STK26: variants seen among roughly 807,000 people sequenced by gnomAD.
STK26 encodes serine/threonine-protein kinase 26.
A neutral mutation model predicts 34.7 loss-of-function variants in STK26; 14 were observed. The observed-to-expected ratio is 0.40, with a 90% CI of 0.27 to 0.63. The LOEUF (loss-of-function observed/expected upper bound fraction) is 0.63. Ranked by LOEUF, STK26 falls within the 30% of genes least tolerant of loss-of-function variation. STK26 has a pLI of 0.38. For synonymous variants in STK26, 100 were observed against 109.8 expected (o/e 0.91, Z 0.56); for missense variants, 226 against 309.1 (o/e 0.73, Z 2.02).
chrX:132,058,254 A>ATG (rs754196913), intron 3 of STK26, among the ~76,000 whole-genome samples: 1,357 of 103,032 alleles, frequency 0.013, 14 homozygotes, highest in East Asian at 0.046. Context: ...GTGTGTGTGT[A>ATG]TGTGTGTGTG....
rs1012985497 is a variant in STK26 at position 132,023,631 on chromosome X, C to T, written c.14C>T (p.Pro5Leu). 5.1e-6 allele frequency: 6 copies of T among 1,176,315 alleles called. No individual in the cohort carries two copies. In the Admixed American group the frequency reaches 7.4e-5, roughly 14 times the overall value. Residue 5 changes from proline to leucine, a missense_variant, in exon 2 of 12, where the codon CCG (proline) becomes CTG (leucine). Coordinates refer to ENST00000394334, the MANE Select transcript of STK26 (RefSeq NM_016542.4). MAHS[P>L]VAVQVPGMQN... Reference sequence around the variant, plus strand: ...GCATTCGCCTCCATGGCCCACTCGCCGGTGGCTGTCCAAGTGCCTGGGATG... The same window carrying T: ...GCATTCGCCTCCATGGCCCACTCGCTGGTGGCTGTCCAAGTGCCTGGGATG...
intron 2 of STK26, among the ~76,000 whole-genome samples, chrX:132,024,142 G>A (rs1315183676): frequency 1.8e-5 from 2 of 111,238 alleles, no homozygotes; most frequent in Non-Finnish European, 3.8e-5. Flanking sequence ...TGTGTGCGTA[G>A]GGCTAAGAGA....
At chrX:132,032,672 G>T (rs943981561) in intron 2 of STK26, among the ~76,000 whole-genome samples, 16 of 111,424 alleles carry the variant, frequency 1.4e-4, no homozygotes, top group African/African-American at 3.3e-4. Context: ...CATCAATGGG[G>T]TTTTTTTCAA....
At chrX:132,043,210 A>G (rs768917998) in intron 2 of STK26, among the ~76,000 whole-genome samples, 11 of 112,045 alleles carry the variant, frequency 9.8e-5, no homozygotes, top group Non-Finnish European at 1.1e-4. Flanking sequence ...TCACCATAAC[A>G]TTACCCATGA....
At chrX:132,040,340 T>C (rs753849561) in intron 2 of STK26, among the ~76,000 whole-genome samples, 3 of 112,565 alleles carry the variant, frequency 2.7e-5, no homozygotes, top group Non-Finnish European at 5.6e-5. Context: ...GATTTTCACT[T>C]TACTAAAGTA....
chrX:132,042,726 T>C (rs1368506117), intron 2 of STK26, among the ~76,000 whole-genome samples: 2 of 111,323 alleles, frequency 1.8e-5, no homozygotes, highest in African/African-American at 6.5e-5. Context: ...ATTGAAAAAT[T>C]AGAGACCATT....
intron 2 of STK26, among the ~76,000 whole-genome samples, chrX:132,051,737 TC>T (rs1926696971): frequency 9.1e-6 from 1 of 110,068 alleles, no homozygotes; most frequent in East Asian, 2.8e-4. Flanking sequence ...GCTAATACTA[TC>T]CCCCCCAAGC....
At position 132,050,393 on chromosome X, in the gene STK26, A is replaced by G. The variant is rs931217597; in HGVS notation, c.43-4238A>G. ...GGGATATGTTGCTTGTGTTTTGACAAACATTATGTTTCTAATCTTGAGTCA... is the reference window on the plus strand; with the variant it reads ...GGGATATGTTGCTTGTGTTTTGACAGACATTATGTTTCTAATCTTGAGTCA... On this transcript the variant is annotated intron_variant, in intron 2 of 11. Transcript: ENST00000394334. Among the ~76,000 whole-genome samples, 4 of 112,013 alleles carry G rather than the reference A, an allele frequency of 3.6e-5. No individual in the cohort carries two copies. The East Asian group carries it at 1.1e-3, about 31-fold the overall frequency.
chrX:132,044,775 CTA>C (rs1260052762), intron 2 of STK26, among the ~76,000 whole-genome samples: 4 of 34,075 alleles, frequency 1.2e-4, no homozygotes, highest in Admixed American at 5.4e-4. Flanking sequence ...ATAGAGAGAT[CTA>C]TATATATATT....
intron 3 of STK26, among the ~76,000 whole-genome samples, chrX:132,061,877 G>A (rs1309035282): frequency 9.0e-6 from 1 of 111,645 alleles, no homozygotes; most frequent in Non-Finnish European, 1.9e-5. Context: ...GAGGGCTACT[G>A]GCAGTAGCTT....
rs1363342214 is a variant in STK26 at position 132,036,842 on chromosome X, T to C, written c.42+13183T>C. On this transcript the variant is annotated intron_variant, in intron 2 of 11. Coordinates refer to ENST00000394334, the MANE Select transcript of STK26 (RefSeq NM_016542.4). ...TATATTTTACATTTGAAAATACTTT[T>C]AATCTGTCTTGTAAAAATAAGGCTT... Among the ~76,000 whole-genome samples, 2 of 112,140 alleles carry C rather than the reference T, an allele frequency of 1.8e-5. 1 individual carries two copies. Among genetic ancestry groups the C allele is most frequent in the African/African-American group, 6.5e-5 (2 of 30,845 alleles).
chrX:132,070,929 C>A, intron 7 of STK26, 140 bp from the exon 8 acceptor site: 1 of 583,044 alleles, frequency 1.7e-6, no homozygotes, highest in Non-Finnish European at 2.5e-6. Context: ...TATTTTCCTA[C>A]AGCATTTTAG....
rs1023782109 is a variant in STK26 at position 132,074,755 on chromosome X, A to C, written c.*596A>C. The C allele has an allele frequency of 9.0e-6, 1 of 111,287 alleles. No homozygotes were observed. Among genetic ancestry groups the C allele is most frequent in the African/African-American group, 3.3e-5 (1 of 30,661 alleles). 9.2% of individuals were successfully genotyped at this position (111,287 alleles called of 1,213,427 possible). Reference sequence around the variant, plus strand: ...TATCACATTTGAGACCCTGTGTTTGAAGCATTTACAGGCAATGTACAGCAA... The same window carrying C: ...TATCACATTTGAGACCCTGTGTTTGCAGCATTTACAGGCAATGTACAGCAA... On this transcript the variant is annotated 3_prime_UTR_variant, in exon 12 of 12. Transcript: ENST00000394334.
intron 3 of STK26, among the ~76,000 whole-genome samples, chrX:132,060,374 G>T (rs1364595042): frequency 9.0e-6 from 1 of 111,217 alleles, no homozygotes; most frequent in Non-Finnish European, 1.9e-5. Flanking sequence ...TTCCAAGCTG[G>T]AGGAAAATGA....
intron 8 of STK26, 82 bp from the exon 9 acceptor site, chrX:132,072,186 G>T: frequency 2.7e-6 from 2 of 745,200 alleles, no homozygotes; most frequent in South Asian, 2.4e-5. Context: ...TATCCCTTTA[G>T]ATTCTACCTG....
At chrX:132,044,645 C>G in intron 2 of STK26, among the ~76,000 whole-genome samples, 1 of 71,911 alleles carries the variant, frequency 1.4e-5, no homozygotes, top group South Asian at 6.7e-4. Flanking sequence ...CTCTCTCTCT[C>G]TCTCTCTCTC....
chrX:132,053,575 C>T (rs1481942037), intron 2 of STK26, among the ~76,000 whole-genome samples: 1 of 111,812 alleles, frequency 8.9e-6, no homozygotes, highest in African/African-American at 3.2e-5. Flanking sequence ...TGAAGTGAAA[C>T]TAAGTAAAAC....
intron 2 of STK26, among the ~76,000 whole-genome samples, chrX:132,043,038 G>A (rs891561046): frequency 8.9e-6 from 1 of 111,943 alleles, no homozygotes; most frequent in Non-Finnish European, 1.9e-5. Context: ...TTCAATCAGT[G>A]TTAATTTTCT....
rs144370269 is a variant in STK26, at chrX:132,065,140, C to T, written c.330+1651C>T. Among the ~76,000 whole-genome samples, 1,083 of 111,462 alleles carry T rather than the reference C, an allele frequency of 9.7e-3. 14 individuals carry two copies. The highest frequency in any genetic ancestry group is 0.033 in the African/African-American group (1,009 of 30,688). Reference sequence around the variant, plus strand: ...AAGCCTGAGTTCATTTTTTTTCTCTCGTCTCTAGTGAGAGAACACCACTGA... The same window carrying T: ...AAGCCTGAGTTCATTTTTTTTCTCTTGTCTCTAGTGAGAGAACACCACTGA... On this transcript the variant is annotated intron_variant, in intron 4 of 11. Transcript: ENST00000394334.
Sources: allele counts gnomAD v4.1 joint callset (sites outside exome capture counted in the v4.1 genomes callset), GRCh38; gene constraint gnomAD v4.1.1; transcripts MANE v1.5; gene names NCBI Gene and HGNC (gene_info 2026-07-23, HGNC 2026-07-21).